The following AMBRA1 variants were observed in gnomAD, a reference collection of about 807,000 sequenced individuals.
The protein encoded by AMBRA1 is autophagy and beclin 1 regulator 1.
AMBRA1 carries 47 observed loss-of-function variants against 125.4 expected under a neutral mutation model. The observed-to-expected ratio is 0.37, with a 90% CI of 0.30 to 0.48. AMBRA1 has a LOEUF of 0.48. Among genes scored for constraint, AMBRA1 ranks in the 20% least tolerant of loss-of-function variants. AMBRA1 has a pLI of 0.99. For missense variants in AMBRA1, 1,331 were observed against 1,693.4 expected (o/e 0.79, Z 3.76); for synonymous variants, 626 against 655.5 (o/e 0.95, Z 0.69).
Position 46,542,577 on chromosome 11 carries a change from C to T in AMBRA1, c.1440G>A (p.Glu480=). 6.2e-7 allele frequency: 1 copy of T among 1,613,666 alleles called. No homozygotes were observed. The highest frequency in any genetic ancestry group is 8.5e-7 in the Non-Finnish European group (1 of 1,180,038). The change falls in exon 7 of 18, where the codon GAG becomes GAA. Residue 480 remains glutamate (E), a synonymous_variant. Transcript: ENST00000683756. This position sits in a 1 kb window ranked among gnomAD's most constrained non-coding sequence, Gnocchi z 5.9. ...GGCTGGAGCCATTCCCTCCATCTGA[C>T]TCAGTTGCCAACCCTGATGCCGGAA... The part of the protein sequence containing the change: ...RGFPASGLAT[E]SDGGNGSSQN...
At chr11:46,512,371 A>C (rs1951292040) in intron 8 of AMBRA1, among the ~76,000 whole-genome samples, 1 of 152,204 alleles carries the variant, frequency 6.6e-6, no homozygotes, top group South Asian at 2.1e-4. Flanking sequence ...TTCCCTATAA[A>C]TTAAAAACAT....
At chr11:46,545,393 C>G (rs1455095411) in intron 5 of AMBRA1, among the ~76,000 whole-genome samples, 1 of 151,918 alleles carries the variant, frequency 6.6e-6, no homozygotes, top group Non-Finnish European at 1.5e-5. Context: ...ACCTAGGAGG[C>G]AGAGGTCGCA....
At chr11:46,518,028 G>A (rs1156845491) in intron 7 of AMBRA1, 5 of 787,284 alleles carry the variant, frequency 6.4e-6, no homozygotes, top group African/African-American at 3.8e-5. Flanking sequence ...TCCTCTATAC[G>A]TTTTCTGCAA....
At chr11:46,513,266 T>C (rs1244539162) in intron 7 of AMBRA1, among the ~76,000 whole-genome samples, 1 of 133,634 alleles carries the variant, frequency 7.5e-6, no homozygotes, top group African/African-American at 3.8e-5. Flanking sequence ...ACGCTCTTTT[T>C]TCTTTTTTTT....
intron 1 of AMBRA1, among the ~76,000 whole-genome samples, chr11:46,581,977 ATGG>A (rs945656453): frequency 7.3e-5 from 11 of 150,524 alleles, no homozygotes; most frequent in Admixed American, 6.0e-4. Flanking sequence ...TTACCTAGGC[ATGG>A]TGGTGGGTGC....
chr11:46,401,807 C>A (rs1433464848), intron 17 of AMBRA1, among the ~76,000 whole-genome samples: 3 of 152,230 alleles, frequency 2.0e-5, no homozygotes, highest in Non-Finnish European at 4.4e-5. Context: ...CTATTACCAT[C>A]CTAATTCAGC....
rs1398623719 is a variant in AMBRA1 at position 46,583,652 on chromosome 11, C to CAAAAAAAAAAAAAAAAAAAAAAAAAA, written c.-121+10150_-121+10175dup. ...TCTACAATGAACTCAAACAAATTTC[C>CAAAAAAAAAAAAAAAAAAAAAAAAAA]AAAAAAAAAAAAAAAAAAAAAAAAA... is the stretch of plus-strand genomic sequence containing the variant. On this transcript the variant is annotated intron_variant, in intron 1 of 17. Transcript: ENST00000683756. 5.6e-4 allele frequency among the ~76,000 whole-genome samples: 7 copies of CAAAAAAAAAAAAAAAAAAAAAAAAAA among 12,562 alleles called. 2 individuals are homozygous for CAAAAAAAAAAAAAAAAAAAAAAAAAA. The highest frequency in any genetic ancestry group is 8.1e-3 in the South Asian group (1 of 124). 8.2% of individuals were successfully genotyped at this position (12,562 alleles called of 152,430 possible).
chr11:46,452,829 C>G (rs989470742), intron 11 of AMBRA1, among the ~76,000 whole-genome samples: 7 of 152,142 alleles, frequency 4.6e-5, no homozygotes, highest in African/African-American at 1.7e-4. Flanking sequence ...TTAGAAGTGT[C>G]CCAAGTTTCT....
At chr11:46,512,463 G>A (rs149722154) in intron 8 of AMBRA1, among the ~76,000 whole-genome samples, 21 of 152,208 alleles carry the variant, frequency 1.4e-4, no homozygotes, top group Middle Eastern at 3.4e-3. Context: ...ACTACCTGTG[G>A]CCTCTCCAGG....
At chr11:46,460,047 T>A (rs886299619) in intron 11 of AMBRA1, among the ~76,000 whole-genome samples, 4 of 152,180 alleles carry the variant, frequency 2.6e-5, no homozygotes, top group African/African-American at 9.7e-5. Flanking sequence ...GCTATATAAC[T>A]GAAGATGAGC....
At chr11:46,462,942 C>T (rs1430179615) in intron 11 of AMBRA1, among the ~76,000 whole-genome samples, 3 of 152,016 alleles carry the variant, frequency 2.0e-5, no homozygotes, top group Non-Finnish European at 2.9e-5. Flanking sequence ...TTAGTAGAGA[C>T]GGGGTTTCAC....
At chr11:46,557,870 G>A (rs541815395) in intron 1 of AMBRA1, among the ~76,000 whole-genome samples, 39 of 152,226 alleles carry the variant, frequency 2.6e-4, no homozygotes, top group African/African-American at 9.1e-4. Flanking sequence ...TACTGGAGAG[G>A]CCGAGGCAAG....
At chr11:46,511,621 T>C (rs1951260869) in intron 8 of AMBRA1, among the ~76,000 whole-genome samples, 1 of 152,236 alleles carries the variant, frequency 6.6e-6, no homozygotes, top group Admixed American at 6.5e-5. Context: ...TACCCTTTTC[T>C]TTTGGCAAAG....
intron 1 of AMBRA1, among the ~76,000 whole-genome samples, chr11:46,554,842 T>C (rs1056574428): frequency 6.6e-5 from 10 of 152,150 alleles, no homozygotes; most frequent in East Asian, 1.9e-4. Flanking sequence ...TTACCAACAA[T>C]AGTCTTTGTG....
chr11:46,593,304 T>C (rs914668677), intron 1 of AMBRA1, among the ~76,000 whole-genome samples: 1 of 152,088 alleles, frequency 6.6e-6, no homozygotes, highest in Non-Finnish European at 1.5e-5. Context: ...GTTGGGGATA[T>C]GTGGGGAAGT....
At position 46,542,098 on chromosome 11, in the gene AMBRA1, G is replaced by A. The variant is rs758487984; in HGVS notation, c.1919C>T (p.Pro640Leu). The stretch of plus-strand genomic sequence containing the variant: ...CACCCCCACAGTCCTCTCCTCCTGC[G>A]GACTAGCAGAGCTGCTCAACTCCAG... ...SRLELSSSAS[P>L]QEERTVGVAF... is the part of the protein sequence containing the mutation. The change falls in exon 7 of 18, where the codon CCG becomes CTG. Residue 640 changes from proline (P) to leucine (L), a missense_variant. Physicochemically the swap from Pro to Leu is moderately conservative, Grantham distance 98 (BLOSUM62 -3). Coordinates refer to ENST00000683756, the MANE Select transcript of AMBRA1 (RefSeq NM_001387011.1). The surrounding 1 kb of genome is among the most constrained non-coding windows in gnomAD (Gnocchi z 5.9). The A allele has an allele frequency of 9.9e-6, 16 of 1,613,710 alleles. No individual in the cohort carries two copies. Among genetic ancestry groups the A allele is most frequent in the African/African-American group, 4.0e-5 (3 of 74,912 alleles).
At chr11:46,429,656 T>C (rs1231674199) in intron 14 of AMBRA1, among the ~76,000 whole-genome samples, 1 of 152,202 alleles carries the variant, frequency 6.6e-6, no homozygotes, top group African/African-American at 2.4e-5. Flanking sequence ...AGTAATTTTG[T>C]ATTTTTGTTA....
chr11:46,529,047 TATTACA>T (rs1214623693), intron 7 of AMBRA1, among the ~76,000 whole-genome samples: 9 of 152,208 alleles, frequency 5.9e-5, no homozygotes, highest in African/African-American at 2.2e-4. Flanking sequence ...ATTCCTTTAT[TATTACA>T]ATTTTCTACT....
chr11:46,408,539 C>T lies in AMBRA1; in HGVS notation c.3377G>A (p.Gly1126Glu). ...TQTEREVPEP[G>E]TAASGPGEGE... ...TTCACCAGGACCTGAGGCGGCTGTC[C>T]CTGGCTCCGGCACCTCCCTCTCAGT... Residue 1126 changes from glycine to glutamate, a missense_variant, in exon 17 of 18, where the codon GGG (glycine) becomes GAG (glutamate). Coordinates refer to ENST00000683756, the MANE Select transcript of AMBRA1 (RefSeq NM_001387011.1). 1 of 1,581,784 alleles carries T rather than the reference C, an allele frequency of 6.3e-7. No individual in the cohort carries two copies. The highest frequency in any genetic ancestry group is 8.6e-7 in the Non-Finnish European group (1 of 1,160,882).
Sources: gnomAD v4.1 joint callset for allele counts (sites outside exome capture counted in the v4.1 genomes callset) on GRCh38, gnomAD v4.1.1 for gene constraint, Gnocchi (gnomAD v3.1) non-coding constraint, MANE v1.5 for transcripts, NCBI Gene and HGNC (gene_info 2026-07-23, HGNC 2026-07-21) for gene names.